LTBP2: variants seen among roughly 807,000 people sequenced by gnomAD.
LTBP2 encodes latent-transforming growth factor beta-binding protein 2.
Under a neutral mutation model 210.6 loss-of-function variants are expected in LTBP2, and 103 were observed. The ratio of observed to expected loss-of-function variants is 0.49; its 90% confidence interval spans 0.42 to 0.58. LTBP2 has a LOEUF of 0.58. LTBP2 is among the 20% of genes least tolerant of loss of function. The probability of loss-of-function intolerance (pLI) is 0.00; values close to 1 mark genes in which losing one functional copy is unlikely to be tolerated. For synonymous variants in LTBP2, 1,007 were observed against 1,015.0 expected, an observed-to-expected ratio of 0.99 and a Z score of 0.15; for missense variants, 2,313 against 2,494.5, an observed-to-expected ratio of 0.93 and a Z score of 1.55.
chr14:74,578,388 C>A (rs549010026), intron 3 of LTBP2, among the ~76,000 whole-genome samples: 1 of 152,328 alleles, frequency 6.6e-6, no homozygotes, highest in African/African-American at 2.4e-5. Flanking sequence ...TTTCCCACAT[C>A]AAGGTCAAAG....
chr14:74,540,598 T>C (rs1162420453), intron 8 of LTBP2, among the ~76,000 whole-genome samples: 1 of 149,640 alleles, frequency 6.7e-6, no homozygotes, highest in Non-Finnish European at 1.5e-5. Context: ...ACCCCATCTC[T>C]ACTAAAAATA....
chr14:74,548,056 A>C (rs1372180508), intron 8 of LTBP2, among the ~76,000 whole-genome samples: 1 of 151,754 alleles, frequency 6.6e-6, no homozygotes, highest in Non-Finnish European at 1.5e-5. Flanking sequence ...TTATTCTTCA[A>C]ATCTCATCCT....
At position 74,507,282 on chromosome 14, in the gene LTBP2, G is replaced by A. The variant is rs766489971; in HGVS notation, c.3804C>T (p.Asp1268=). Residue 1268 remains aspartate (D), a synonymous_variant, in exon 26 of 36, where the codon GAC becomes GAT. Coordinates refer to ENST00000261978, the MANE Select transcript of LTBP2 (RefSeq NM_000428.3). ...CACACTTCCAGGTGCCACACACCGGGTCTCCATAGTCCTCACACTCGTCAA... is the reference window on the plus strand; with the variant it reads ...CACACTTCCAGGTGCCACACACCGGATCTCCATAGTCCTCACACTCGTCAA... ...VDIDECEDYG[D]PVCGTWKCEN... The A allele has an allele frequency of 1.1e-5, 17 of 1,614,040 alleles. No homozygotes were observed. The highest frequency in any genetic ancestry group is 1.4e-5 in the Non-Finnish European group (17 of 1,180,006).
intron 2 of LTBP2, among the ~76,000 whole-genome samples, chr14:74,591,106 T>C (rs12435481): frequency 0.5 from 76,428 of 152,116 alleles, 20,010 homozygotes; most frequent in Non-Finnish European, 0.57. Flanking sequence ...GGTTCTGCCT[T>C]GCTTGCTAAT....
intron 8 of LTBP2, among the ~76,000 whole-genome samples, chr14:74,538,500 G>A (rs2087451431): frequency 1.3e-5 from 1 of 79,046 alleles, no homozygotes; most frequent in South Asian, 4.9e-4. Context: ...TCCATTTTGT[G>A]TGGGTTAGTT....
chr14:74,611,436 C>T lies in LTBP2; in HGVS notation c.494+15G>A. ...TCCCCTCTGTACCCTCCAAACTTCC[C>T]TCTCCCATGCTCACCCCGTGAGCCG... On this transcript the variant is annotated intron_variant, in intron 1 of 35. Coordinates refer to ENST00000261978, the MANE Select transcript of LTBP2 (RefSeq NM_000428.3). The T allele has an allele frequency of 1.4e-6, 2 of 1,475,834 alleles. No homozygotes were observed. Among genetic ancestry groups the T allele is most frequent in the South Asian group, 2.8e-5 (2 of 70,632 alleles). The allele number at this position is 1,475,834 out of a possible 1,614,324, so 91.4% of individuals were successfully genotyped here.
At chr14:74,597,588 C>T (rs899286988) in intron 2 of LTBP2, among the ~76,000 whole-genome samples, 1 of 152,226 alleles carries the variant, frequency 6.6e-6, no homozygotes, top group Non-Finnish European at 1.5e-5. Flanking sequence ...CTTCAGGAAG[C>T]TCCCAGTCAA....
At chr14:74,595,569 G>A (rs2088348791) in intron 2 of LTBP2, among the ~76,000 whole-genome samples, 3 of 152,192 alleles carry the variant, frequency 2.0e-5, no homozygotes, top group Admixed American at 2.0e-4. Flanking sequence ...AGGCTGGAGT[G>A]GAGCCAGCCA....
chr14:74,544,391 A>C (rs1361808131), intron 8 of LTBP2, among the ~76,000 whole-genome samples: 1 of 152,190 alleles, frequency 6.6e-6, no homozygotes. Flanking sequence ...TCTTCTGTAA[A>C]ATGGGGATAA....
rs1595237845 is a variant in LTBP2 at position 74,503,916 on chromosome 14, G to GT, written c.4582+9dup. 1.9e-6 allele frequency: 3 copies of GT among 1,613,984 alleles called. No homozygotes were observed. Among genetic ancestry groups the GT allele is most frequent in the Non-Finnish European group, 2.5e-6 (3 of 1,180,000 alleles). ...CCTGGGGTGGGGGCAGGGATCATGT[G>GT]TGTCCTTACCCTCACACTTCTTGTG... is the stretch of plus-strand genomic sequence containing the variant. On this transcript the variant is annotated intron_variant, in intron 31 of 35. Transcript: ENST00000261978.
At chr14:74,550,969 T>A in intron 7 of LTBP2, 95 bp downstream of exon 7, 9 of 1,488,590 alleles carry the variant, frequency 6.0e-6, no homozygotes, top group Non-Finnish European at 8.4e-6. Context: ...TCACATTCCA[T>A]AAGAACAAAG....
chr14:74,506,105 T>C lies in LTBP2; in HGVS notation c.4120A>G (p.Ser1374Gly). 6.2e-7 allele frequency: 1 copy of C among 1,614,188 alleles called. No homozygotes were observed. The highest frequency in any genetic ancestry group is 1.7e-5 in the Admixed American group (1 of 60,028). Residue 1374 changes from serine (S) to glycine (G), a missense_variant, in exon 28 of 36, where the codon AGT becomes GGT. Ser to Gly is a moderately conservative substitution (Grantham distance 56). Around this residue, in one of 3 missense-constraint regions of LTBP2, gnomAD observed 1,867 missense variants for 1,976.9 expected, o/e 0.94. Transcript: ENST00000261978. ...VEGSFLCLCA[S>G]DLEEYDAQEG... ...TGGGCATCGTACTCCTCCAGGTCAC[T>C]GGCACAGAGGCACAGGAAGGAGCCC...
intron 2 of LTBP2, among the ~76,000 whole-genome samples, chr14:74,599,636 G>A (rs947856040): frequency 6.6e-6 from 1 of 152,266 alleles, no homozygotes; most frequent in Non-Finnish European, 1.5e-5. Context: ...AAGACTGGAG[G>A]AGGAGATGGC....
In LTBP2 at chr14:74,603,704, T is replaced by C. The variant is rs1249566598; in HGVS notation, c.496A>G (p.Arg166Gly). ...CAGCACTGTCCCCCGCAGACGTTCC[T>C]CCTGTGGGGTCACCAAAACAGAGTC... The part of the protein sequence containing the change: ...PTPPRGRLTG[R>G]NVCGGQCCPG... The change falls in exon 2 of 36, where the codon AGG (arginine) becomes GGG (glycine). Residue 166 changes from arginine to glycine, a missense_variant and splice_region_variant. Physicochemically the swap from Arg to Gly is moderately radical, Grantham distance 125. Coordinates refer to ENST00000261978, the MANE Select transcript of LTBP2 (RefSeq NM_000428.3). 1 of 1,613,908 alleles carries C rather than the reference T, an allele frequency of 6.2e-7. No individual in the cohort carries two copies. The highest frequency in any genetic ancestry group is 8.5e-7 in the Non-Finnish European group (1 of 1,179,918).
chr14:74,541,191 G>A (rs1054786661), intron 8 of LTBP2, among the ~76,000 whole-genome samples: 10 of 151,716 alleles, frequency 6.6e-5, no homozygotes, highest in African/African-American at 2.2e-4. Context: ...ATGGTGTGTC[G>A]TGGCTGCCTG....
intron 3 of LTBP2, among the ~76,000 whole-genome samples, chr14:74,577,684 T>C (rs1473224809): frequency 1.3e-5 from 2 of 151,820 alleles, no homozygotes; most frequent in African/African-American, 4.8e-5. Flanking sequence ...AATTTTTGTA[T>C]CTTTAGTAGA....
chr14:74,504,652 A>G, intron 30 of LTBP2, 126 bp downstream of exon 30: 1 of 864,556 alleles, frequency 1.2e-6, no homozygotes, highest in Non-Finnish European at 2.0e-6. Context: ...CAGCCCTGGG[A>G]CAGAAAAGGT....
At chr14:74,527,217 T>A in intron 13 of LTBP2, 130 bp downstream of exon 13, 1 of 1,227,334 alleles carries the variant, frequency 8.1e-7, no homozygotes, top group Non-Finnish European at 1.2e-6. Flanking sequence ...TCTCTTCAAG[T>A]AAAATCTAAC....
chr14:74,563,562 C>T (rs947152986), intron 3 of LTBP2, among the ~76,000 whole-genome samples: 9 of 152,110 alleles, frequency 5.9e-5, no homozygotes, highest in African/African-American at 2.2e-4. Context: ...CCCAATCCCA[C>T]CACTGACTGT....
Sources: allele counts gnomAD v4.1 joint callset (sites outside exome capture counted in the v4.1 genomes callset), GRCh38; gene constraint gnomAD v4.1.1; regional missense constraint gnomAD v4.1.1; transcripts MANE v1.5; gene names NCBI Gene and HGNC (gene_info 2026-07-23, HGNC 2026-07-21).